Variants in KLHL1 observed in about 807,000 individuals in gnomAD.
KLHL1 encodes kelch-like protein 1.
A neutral mutation model predicts 77.7 loss-of-function variants in KLHL1; 47 were observed. That is an observed-to-expected ratio of 0.60 (90% CI 0.48 to 0.77). The LOEUF (loss-of-function observed/expected upper bound fraction) is 0.77. Ranked by LOEUF, KLHL1 falls within the 30% of genes least tolerant of loss-of-function variation. The probability of loss-of-function intolerance (pLI) is 0.00; values close to 1 mark genes in which losing one functional copy is unlikely to be tolerated. For synonymous variants in KLHL1, 360 were observed against 325.2 expected (o/e 1.11, Z -1.15); for missense variants, 925 against 910.8 (o/e 1.02, Z -0.20).
At chr13:69,861,785 T>TAAAAAAAAA (rs34408474) in intron 5 of KLHL1, among the ~76,000 whole-genome samples, 42 of 85,988 alleles carry the variant, frequency 4.9e-4, no homozygotes, top group African/African-American at 1.1e-3. Context: ...CCGTCTCTAC[T>TAAAAAAAAA]AAAAAAAAAA....
chr13:69,792,500 C>T (rs554307131), intron 7 of KLHL1, among the ~76,000 whole-genome samples: 1 of 152,198 alleles, frequency 6.6e-6, no homozygotes, highest in East Asian at 1.9e-4. Context: ...TGCAGTTTCT[C>T]CAAAAGTGAA....
At chr13:70,097,546 C>T (rs1161482033) in intron 1 of KLHL1, among the ~76,000 whole-genome samples, 3 of 151,972 alleles carry the variant, frequency 2.0e-5, no homozygotes, top group Non-Finnish European at 4.4e-5. Flanking sequence ...TCCAGCACCC[C>T]TTTTCGTCTC....
chr13:69,763,239 T>G (rs943703947), intron 7 of KLHL1, among the ~76,000 whole-genome samples: 10 of 152,180 alleles, frequency 6.6e-5, no homozygotes, highest in Admixed American at 5.9e-4. Context: ...GAAAACAATC[T>G]GTGCAGTTGC....
At chr13:70,089,470 T>A (rs1887622568) in intron 1 of KLHL1, among the ~76,000 whole-genome samples, 1 of 152,136 alleles carries the variant, frequency 6.6e-6, no homozygotes, top group South Asian at 2.1e-4. Context: ...TTAATTTTAA[T>A]CTTATTGGCA....
intron 7 of KLHL1, among the ~76,000 whole-genome samples, chr13:69,791,781 T>C (rs1366398434): frequency 2.6e-5 from 4 of 152,192 alleles, no homozygotes; most frequent in African/African-American, 9.7e-5. Flanking sequence ...AAAGCACGGA[T>C]CATATTTCTT....
At chr13:70,094,711 A>G (rs928023) in intron 1 of KLHL1, among the ~76,000 whole-genome samples, 20,078 of 151,996 alleles carry the variant, frequency 0.13, 1,429 homozygotes, top group Non-Finnish European at 0.16. Flanking sequence ...GGCAATTTCA[A>G]TGTGGCTTCC....
intron 6 of KLHL1, among the ~76,000 whole-genome samples, chr13:69,797,447 G>A: frequency 6.6e-6 from 1 of 152,094 alleles, no homozygotes; most frequent in Non-Finnish European, 1.5e-5. Flanking sequence ...ATAACTGAAG[G>A]TTTTAAAAGT....
chr13:70,031,125 C>CAGT (rs879806382), intron 1 of KLHL1, among the ~76,000 whole-genome samples: 4 of 149,898 alleles, frequency 2.7e-5, no homozygotes, highest in Non-Finnish European at 5.9e-5. Flanking sequence ...CAAAAAAAAA[C>CAGT]CCAGATGTTA....
intron 7 of KLHL1, among the ~76,000 whole-genome samples, chr13:69,758,319 G>C (rs1874862067): frequency 6.6e-6 from 1 of 151,812 alleles, no homozygotes; most frequent in Non-Finnish European, 1.5e-5. Flanking sequence ...ATTTAATCCT[G>C]GTCAGCTTTT....
chr13:69,716,480 C>G (rs1200559733), intron 9 of KLHL1, among the ~76,000 whole-genome samples: 2 of 152,012 alleles, frequency 1.3e-5, no homozygotes, highest in Non-Finnish European at 2.9e-5. Context: ...CTCAATTTTT[C>G]TTTCTGGTCA....
chr13:69,759,012 A>G (rs563456854), intron 7 of KLHL1, among the ~76,000 whole-genome samples: 3 of 152,256 alleles, frequency 2.0e-5, no homozygotes, highest in African/African-American at 7.2e-5. Context: ...CATGGCACCC[A>G]TGGATGGAAA....
chr13:69,785,288 A>G (rs952011104), intron 7 of KLHL1, among the ~76,000 whole-genome samples: 1 of 152,220 alleles, frequency 6.6e-6, no homozygotes, highest in Admixed American at 6.5e-5. Context: ...AAAAGAATAG[A>G]AATTATAACG....
At chr13:69,867,307 C>A (rs1880401833) in intron 5 of KLHL1, among the ~76,000 whole-genome samples, 1 of 151,864 alleles carries the variant, frequency 6.6e-6, no homozygotes, top group Non-Finnish European at 1.5e-5. Flanking sequence ...AAAGAGTAAT[C>A]AAAACATTAT....
chr13:69,814,534 C>G (rs1172949506), intron 6 of KLHL1, among the ~76,000 whole-genome samples: 8 of 151,832 alleles, frequency 5.3e-5, no homozygotes, highest in Non-Finnish European at 1.0e-4. Context: ...ATCTTTAAGA[C>G]ACTTAAAAAA....
chr13:69,786,387 C>T lies in KLHL1; in HGVS notation c.1639+10351G>A, dbSNP rs370256918. On this transcript the variant is annotated intron_variant, in intron 7 of 10. Transcript: ENST00000377844. ...CAATAAATGTAATCCAGCATATAAA[C>T]GGAACCAAAGACAAAAACCCCATGA... Among the ~76,000 whole-genome samples the T allele has an allele frequency of 2.0e-4, 30 of 152,214 alleles. No homozygotes were observed. In the East Asian group the frequency reaches 3.3e-3, roughly 17 times the overall value.
At position 69,849,181 on chromosome 13, in the gene KLHL1, A is replaced by C. The variant is rs7988536; in HGVS notation, c.1228-10019T>G. On this transcript the variant is annotated intron_variant, in intron 5 of 10. Coordinates refer to ENST00000377844, the MANE Select transcript of KLHL1 (RefSeq NM_020866.3). ...ATAGGTCTCGAATAACATCATTTTCACTCACCACTAATCTATTTTACTCAA... is the reference window on the plus strand; with the variant it reads ...ATAGGTCTCGAATAACATCATTTTCCCTCACCACTAATCTATTTTACTCAA... 7.5e-3 allele frequency among the ~76,000 whole-genome samples: 1,143 copies of C among 151,474 alleles called. 21 individuals are homozygous for C. The highest frequency in any genetic ancestry group is 0.026 in the African/African-American group (1,089 of 41,432).
At chr13:69,847,487 T>G (rs7318606) in intron 5 of KLHL1, among the ~76,000 whole-genome samples, 141,380 of 151,186 alleles carry the variant, frequency 0.94, 66,325 homozygotes, top group East Asian at 0.99. Context: ...ATCTATACCT[T>G]TCATCTGGTC....
intron 1 of KLHL1, among the ~76,000 whole-genome samples, chr13:70,005,642 G>T (rs958115417): frequency 2.6e-5 from 4 of 151,428 alleles, no homozygotes; most frequent in African/African-American, 7.3e-5. Context: ...GATAAACACT[G>T]CATGTTTTAA....
At chr13:69,773,844 A>T (rs1875693957) in intron 7 of KLHL1, among the ~76,000 whole-genome samples, 1 of 149,300 alleles carries the variant, frequency 6.7e-6, no homozygotes, top group Non-Finnish European at 1.5e-5. Context: ...TCTCTCTGGC[A>T]CCCAGAGAAA....
Sources: allele counts gnomAD v4.1 joint callset (sites outside exome capture counted in the v4.1 genomes callset), GRCh38; gene constraint gnomAD v4.1.1; transcripts MANE v1.5; gene names NCBI Gene and HGNC (gene_info 2026-07-23, HGNC 2026-07-21).